Variants in HCN1 observed in about 807,000 individuals in gnomAD.
The protein encoded by HCN1 is hyperpolarization activated cyclic nucleotide gated potassium channel 1, also known as potassium/sodium hyperpolarization-activated cyclic nucleotide-gated channel 1.
In HCN1, 13 loss-of-function variants were observed where a neutral mutation model predicts 78.9. The observed-to-expected ratio is 0.16, with a 90% CI of 0.11 to 0.26. The LOEUF is 0.26. HCN1 is among the 10% of genes least tolerant of loss of function. The probability of loss-of-function intolerance (pLI) is 1.00; values close to 1 mark genes in which losing one functional copy is unlikely to be tolerated. For synonymous variants in HCN1, 552 were observed against 455.5 expected, an observed-to-expected ratio of 1.21 and a Z score of -2.70; for missense variants, 810 against 1,154.3, an observed-to-expected ratio of 0.70 and a Z score of 4.32.
chr5:45,272,380 C>T (rs1027404795), intron 6 of HCN1, among the ~76,000 whole-genome samples: 3 of 151,990 alleles, frequency 2.0e-5, no homozygotes, highest in Non-Finnish European at 4.4e-5. Flanking sequence ...ATCACTATTT[C>T]ATTTTATTTT....
At chr5:45,364,383 T>A (rs1407122806) in intron 4 of HCN1, among the ~76,000 whole-genome samples, 1 of 151,958 alleles carries the variant, frequency 6.6e-6, no homozygotes, top group Non-Finnish European at 1.5e-5. Context: ...ACATGTTTCA[T>A]GGGCACATCA....
At chr5:45,289,676 C>A (rs1745333917) in intron 6 of HCN1, among the ~76,000 whole-genome samples, 1 of 152,004 alleles carries the variant, frequency 6.6e-6, no homozygotes. Context: ...AGCAAATATA[C>A]AGGCACAGAA....
intron 2 of HCN1, among the ~76,000 whole-genome samples, chr5:45,483,743 T>C (rs13178716): frequency 5.3e-5 from 8 of 152,260 alleles, no homozygotes; most frequent in African/African-American, 1.9e-4. Context: ...ATGATTTTTG[T>C]AGTGTGAAGT....
intron 2 of HCN1, among the ~76,000 whole-genome samples, chr5:45,617,571 T>A (rs1305322298): frequency 6.6e-6 from 1 of 152,110 alleles, no homozygotes; most frequent in Non-Finnish European, 1.5e-5. Context: ...CCACTTCATT[T>A]CCCACTTTTT....
chr5:45,406,935 CT>C (rs1739937748), intron 3 of HCN1, among the ~76,000 whole-genome samples: 1 of 152,122 alleles, frequency 6.6e-6, no homozygotes, highest in South Asian at 2.1e-4. Flanking sequence ...ATGAATTCTT[CT>C]TTCCACCTAA....
intron 5 of HCN1, among the ~76,000 whole-genome samples, chr5:45,352,756 G>C (rs1746936999): frequency 6.6e-6 from 1 of 151,938 alleles, no homozygotes; most frequent in African/African-American, 2.4e-5. Context: ...ATCCAGGAAA[G>C]TGAAGATGGG....
chr5:45,644,981 T>A, intron 2 of HCN1: 2 of 552,162 alleles, frequency 3.6e-6, no homozygotes, highest in South Asian at 5.4e-5. Context: ...GATCACTATT[T>A]TTTTCAGTTC....
At chr5:45,523,246 T>C (rs1291356046) in intron 2 of HCN1, among the ~76,000 whole-genome samples, 1 of 151,994 alleles carries the variant, frequency 6.6e-6, no homozygotes, top group African/African-American at 2.4e-5. Context: ...ATTTTCTTAA[T>C]CCAGTATATC....
At position 45,257,872 on chromosome 5, in the gene HCN1, T is replaced by G. The variant is rs1244919051; in HGVS notation, c.*4049A>C. 2 of 152,078 alleles carry G rather than the reference T, an allele frequency of 1.3e-5. No individual in the cohort carries two copies. The highest frequency in any genetic ancestry group is 3.8e-4 in the East Asian group (2 of 5,196). The allele number at this position is 152,078 out of a possible 1,614,324, so 9.4% of individuals were successfully genotyped here. A position where few individuals can be genotyped will look rare whatever the true frequency, so the allele number is the denominator to read the frequency against. On this transcript the variant is annotated 3_prime_UTR_variant, in exon 8 of 8. Coordinates refer to ENST00000303230, the MANE Select transcript of HCN1 (RefSeq NM_021072.4). ...CATGCAGCAACCACAGTTCCTTAAA[T>G]TTTTGGCCATTGTTTTCAGGACTCA...
chr5:45,586,956 T>C (rs923520322), intron 2 of HCN1, among the ~76,000 whole-genome samples: 1 of 152,196 alleles, frequency 6.6e-6, no homozygotes, highest in South Asian at 2.1e-4. Flanking sequence ...CTAACCAAGG[T>C]TGGCTATAAT....
intron 2 of HCN1, among the ~76,000 whole-genome samples, chr5:45,502,860 T>C (rs1437588605): frequency 6.6e-6 from 1 of 152,194 alleles, no homozygotes; most frequent in East Asian, 1.9e-4. Context: ...TTTAACGTCC[T>C]GCATTGAGGA....
chr5:45,466,670 T>C (rs576971310), intron 2 of HCN1, among the ~76,000 whole-genome samples: 1 of 152,148 alleles, frequency 6.6e-6, no homozygotes, highest in Non-Finnish European at 1.5e-5. Flanking sequence ...ACTGTTAACA[T>C]ATATTCAGGG....
At chr5:45,348,066 G>C (rs1746789008) in intron 5 of HCN1, among the ~76,000 whole-genome samples, 1 of 152,096 alleles carries the variant, frequency 6.6e-6, no homozygotes, top group Non-Finnish European at 1.5e-5. Context: ...ATAATTGTCA[G>C]ATTCACCAAA....
intron 2 of HCN1, among the ~76,000 whole-genome samples, chr5:45,482,796 T>C (rs562532684): frequency 1.3e-5 from 2 of 152,278 alleles, no homozygotes; most frequent in Non-Finnish European, 1.5e-5. Flanking sequence ...GCCTATTGTT[T>C]GCACATTTAT....
At chr5:45,346,999 T>A (rs960575540) in intron 5 of HCN1, among the ~76,000 whole-genome samples, 4 of 152,220 alleles carry the variant, frequency 2.6e-5, no homozygotes, top group South Asian at 2.1e-4. Context: ...GTCTGACTGC[T>A]TTGAAGAGAG....
At chr5:45,405,192 C>A (rs1561142659) in intron 3 of HCN1, among the ~76,000 whole-genome samples, 2 of 152,014 alleles carry the variant, frequency 1.3e-5, no homozygotes, top group African/African-American at 4.8e-5. Flanking sequence ...AAATGCCAAT[C>A]AGATAGAAAG....
chr5:45,270,626 CT>C (rs1381070300), intron 6 of HCN1, among the ~76,000 whole-genome samples: 1 of 152,038 alleles, frequency 6.6e-6, no homozygotes. Context: ...ATATTTTATT[CT>C]TTTACTATTA....
intron 4 of HCN1, among the ~76,000 whole-genome samples, chr5:45,368,334 T>G (rs1047885849): frequency 1.3e-5 from 2 of 152,008 alleles, no homozygotes; most frequent in African/African-American, 4.8e-5. Flanking sequence ...AGTCAGGTGT[T>G]TAACTAGGCA....
At position 45,258,047 on chromosome 5, in the gene HCN1, C is replaced by A. The variant is rs1182506024; in HGVS notation, c.*3874G>T. 2 of 151,912 alleles carry A rather than the reference C, an allele frequency of 1.3e-5. No homozygotes were observed. Among genetic ancestry groups the A allele is most frequent in the African/African-American group, 4.8e-5 (2 of 41,316 alleles). 9.4% of individuals were successfully genotyped at this position (151,912 alleles called of 1,614,324 possible). A position where few individuals can be genotyped will look rare whatever the true frequency, so the allele number is the denominator to read the frequency against. On this transcript the variant is annotated 3_prime_UTR_variant, in exon 8 of 8. Transcript: ENST00000303230. ...CCACATGGGTTTTATGGCACATGTTCTAAAAAGATAAAGATATAATGGAGA... is the reference window on the plus strand; with the variant it reads ...CCACATGGGTTTTATGGCACATGTTATAAAAAGATAAAGATATAATGGAGA...
Sources: allele counts gnomAD v4.1 joint callset (sites outside exome capture counted in the v4.1 genomes callset), GRCh38; gene constraint gnomAD v4.1.1; transcripts MANE v1.5; gene names NCBI Gene and HGNC (gene_info 2026-07-23, HGNC 2026-07-21).